The following VRTN variants were observed in gnomAD, a reference collection of about 807,000 sequenced individuals.
The protein encoded by VRTN is vertnin.
VRTN carries 5 observed loss-of-function variants against 18.2 expected under a neutral mutation model. The ratio of observed to expected loss-of-function variants is 0.27; its 90% confidence interval spans 0.14 to 0.58. The LOEUF is 0.58. Among genes scored for constraint, VRTN ranks in the 20% least tolerant of loss-of-function variants. The pLI, the probability that VRTN is intolerant of heterozygous loss-of-function variation, is 0.91. For missense variants in VRTN, 741 were observed against 939.4 expected, an observed-to-expected ratio of 0.79 and a Z score of 2.76; for synonymous variants, 381 against 393.7, an observed-to-expected ratio of 0.97 and a Z score of 0.38.
intron 1 of VRTN, among the ~76,000 whole-genome samples, 193 bp from the exon 2 acceptor site, chr14:74,356,590 A>G (rs1208398508): frequency 3.3e-5 from 5 of 152,234 alleles, no homozygotes; most frequent in Non-Finnish European, 7.3e-5. Flanking sequence ...GCCAGGATTC[A>G]AAGCCAGGTT....
chr14:74,351,957 C>T (rs957090703), intron 1 of VRTN, among the ~76,000 whole-genome samples: 36 of 152,020 alleles, frequency 2.4e-4, no homozygotes, highest in Non-Finnish European at 2.6e-4. Flanking sequence ...GATTCTCCTG[C>T]CTCAGCCTCC....
upstream of VRTN, among the ~76,000 whole-genome samples, chr14:74,345,354 T>C (rs1413291655): frequency 6.9e-6 from 1 of 145,232 alleles, no homozygotes; most frequent in African/African-American, 2.6e-5. Flanking sequence ...CTATTTTTTT[T>C]TTTTTTTTTT....
intron 1 of VRTN, among the ~76,000 whole-genome samples, chr14:74,331,321 A>G (rs1275407647): frequency 6.6e-6 from 1 of 151,816 alleles, no homozygotes; most frequent in African/African-American, 2.4e-5. Flanking sequence ...TGAGGTCAGG[A>G]GTTCGAGACC....
chr14:74,356,803 T>A lies in VRTN; in HGVS notation c.20T>A (p.Leu7Gln). MTSRNQ[L>Q]VQKVLQELQE... is the part of the protein sequence containing the mutation. ...GGCAGGATGACTTCTCGGAACCAGCTGGTGCAGAAGGTGCTGCAGGAGCTG... is the reference window on the plus strand; with the variant it reads ...GGCAGGATGACTTCTCGGAACCAGCAGGTGCAGAAGGTGCTGCAGGAGCTG... Residue 7 changes from leucine (L) to glutamine (Q), a missense_variant, in exon 2 of 2, where the codon CTG becomes CAG. This residue lies in a region of VRTN where 186 missense variants were observed against 288.3 expected (regional missense o/e 0.65). Coordinates refer to ENST00000256362, the MANE Select transcript of VRTN (RefSeq NM_018228.3). 2 of 1,598,290 alleles carry A rather than the reference T, an allele frequency of 1.3e-6. No homozygotes were observed.
chr14:74,303,060 G>A, upstream of VRTN: 1 of 838,068 alleles, frequency 1.2e-6, no homozygotes, highest in Non-Finnish European at 1.7e-6. Flanking sequence ...GGAAGCGACC[G>A]ACGTCTCTAA....
At chr14:74,342,166 G>A (rs1404498436) in intron 2 of VRTN, among the ~76,000 whole-genome samples, 1 of 151,544 alleles carries the variant, frequency 6.6e-6, no homozygotes, top group African/African-American at 2.4e-5. Flanking sequence ...AGAATCCCTT[G>A]AACTCAGGAG....
chr14:74,313,878 A>T (rs1391172449), intron 1 of VRTN, among the ~76,000 whole-genome samples: 4 of 152,092 alleles, frequency 2.6e-5, no homozygotes, highest in African/African-American at 9.7e-5. Context: ...GATGCTTGGG[A>T]AGCTGAGATC....
At chr14:74,321,417 A>G (rs1389723496) in intron 1 of VRTN, among the ~76,000 whole-genome samples, 1 of 151,940 alleles carries the variant, frequency 6.6e-6, no homozygotes, top group East Asian at 1.9e-4. Context: ...GGGTACATGG[A>G]CGTGGTCATA....
chr14:74,330,630 G>A (rs866099149), intron 1 of VRTN, among the ~76,000 whole-genome samples: 9 of 151,440 alleles, frequency 5.9e-5, no homozygotes, highest in African/African-American at 1.9e-4. Flanking sequence ...TAGTAGAGAC[G>A]GGGTTTCTCC....
At position 74,357,721 on chromosome 14, in the gene VRTN, G is replaced by A. The variant is rs769359623; in HGVS notation, c.938G>A (p.Arg313His). 4 of 1,613,506 alleles carry A rather than the reference G, an allele frequency of 2.5e-6. No homozygotes were observed. The highest frequency in any genetic ancestry group is 2.2e-5 in the South Asian group (2 of 91,082). The change falls in exon 2 of 2, where the codon CGC (arginine) becomes CAC (histidine). Residue 313 changes from arginine to histidine, a missense_variant. This residue lies in a region of VRTN where 494 missense variants were observed against 546.5 expected (regional missense o/e 0.90). Coordinates refer to ENST00000256362, the MANE Select transcript of VRTN (RefSeq NM_018228.3). The surrounding 1 kb of genome is among the most constrained non-coding windows in gnomAD (Gnocchi z 7.8). ...SQEHRQKVAA[R>H]FSAKHFLQDS... is the part of the protein sequence containing the mutation. ...GAGCACCGGCAGAAGGTTGCTGCCC[G>A]CTTCTCCGCCAAGCACTTCCTGCAG...
In VRTN at chr14:74,358,304, G is replaced by C. The variant is rs1365579044; in HGVS notation, c.1521G>C (p.Trp507Cys). 1 of 1,610,994 alleles carries C rather than the reference G, an allele frequency of 6.2e-7. No homozygotes were observed. The highest frequency in any genetic ancestry group is 1.3e-5 in the African/African-American group (1 of 74,880). The change falls in exon 2 of 2, where the codon TGG (tryptophan) becomes TGC (cysteine). Residue 507 changes from tryptophan to cysteine, a missense_variant. Coordinates refer to ENST00000256362, the MANE Select transcript of VRTN (RefSeq NM_018228.3). The surrounding 1 kb of genome is among the most constrained non-coding windows in gnomAD (Gnocchi z 5.4). Reference sequence around the variant, plus strand: ...CACTAAGGATGCCCCTGTCCCGTTGGCAGAGGCGTCTGCGCAGGGCTGCCC... The same window carrying C: ...CACTAAGGATGCCCCTGTCCCGTTGCCAGAGGCGTCTGCGCAGGGCTGCCC... ...LLPLRMPLSR[W>C]QRRLRRAARR...
intron 1 of VRTN, among the ~76,000 whole-genome samples, chr14:74,349,068 T>C (rs977631967): frequency 6.6e-6 from 1 of 152,208 alleles, no homozygotes; most frequent in African/African-American, 2.4e-5. Context: ...GAGCCTGTGC[T>C]GCTTCCCCTT....
Position 74,357,891 on chromosome 14 carries a change from G to A in VRTN, c.1108G>A (p.Gly370Ser), listed in dbSNP as rs1237324052. The stretch of plus-strand genomic sequence containing the variant: ...GGCCTTGCCCCCCAGGGAGGTGCTG[G>A]GCATGGAGGAGCTAGAGAAGCTGCC... ...CPALPPREVL[G>S]MEELEKLPEE... Residue 370 changes from glycine (G) to serine (S), a missense_variant, in exon 2 of 2, where the codon GGC becomes AGC. Transcript: ENST00000256362. This position sits in a 1 kb window ranked among gnomAD's most constrained non-coding sequence, Gnocchi z 7.8. The A allele has an allele frequency of 5.0e-6, 8 of 1,613,934 alleles. No homozygotes were observed. The highest frequency in any genetic ancestry group is 6.8e-6 in the Non-Finnish European group (8 of 1,180,040).
intron 1 of VRTN, among the ~76,000 whole-genome samples, chr14:74,325,343 G>T (rs1231683086): frequency 6.6e-6 from 1 of 152,096 alleles, no homozygotes; most frequent in Admixed American, 6.6e-5. Context: ...TCAAAAGCAA[G>T]TGAGAAACCA....
At chr14:74,337,829 C>T (rs1377030588) in exon 2 of VRTN, 1 of 152,150 alleles carries the variant, frequency 6.6e-6, no homozygotes, top group Admixed American at 6.6e-5. Flanking sequence ...ATGACATTGC[C>T]CATCCCAGGT....
At chr14:74,353,624 A>G (rs2085701798) in intron 1 of VRTN, among the ~76,000 whole-genome samples, 2 of 152,200 alleles carry the variant, frequency 1.3e-5, no homozygotes, top group African/African-American at 2.4e-5. Context: ...ACCAGTGTAT[A>G]TTGTACACAA....
At chr14:74,304,726 G>A (rs1232626683) in intron 1 of VRTN, among the ~76,000 whole-genome samples, 1 of 152,070 alleles carries the variant, frequency 6.6e-6, no homozygotes, top group East Asian at 1.9e-4. Context: ...CCCTAGCATT[G>A]AGAACCACTG....
intron 1 of VRTN, among the ~76,000 whole-genome samples, chr14:74,329,285 A>AG (rs2085506763): frequency 6.6e-6 from 1 of 151,876 alleles, no homozygotes; most frequent in African/African-American, 2.4e-5. Context: ...CAAAAAAAAA[A>AG]AAAAGAAACA....
intron 1 of VRTN, among the ~76,000 whole-genome samples, chr14:74,321,506 T>C (rs923245410): frequency 1.1e-5 from 1 of 87,324 alleles, no homozygotes; most frequent in East Asian, 1.0e-3. Context: ...TTTCATTTGC[T>C]TTTTTTTTTT....
Sources: gnomAD v4.1 joint callset for allele counts (sites outside exome capture counted in the v4.1 genomes callset) on GRCh38, gnomAD v4.1.1 for gene constraint, gnomAD v4.1.1 regional missense constraint, Gnocchi (gnomAD v3.1) non-coding constraint, MANE v1.5 for transcripts, NCBI Gene and HGNC (gene_info 2026-07-23, HGNC 2026-07-21) for gene names.